Variants in GSR observed in about 807,000 individuals in gnomAD.
GSR encodes the protein glutathione reductase, mitochondrial.
In GSR, 48 loss-of-function variants were observed where a neutral mutation model predicts 56.5. That is an observed-to-expected ratio of 0.85 (90% CI 0.67 to 1.08). GSR has a LOEUF of 1.08. Ranked by LOEUF, GSR falls within the 50% of genes least tolerant of loss-of-function variation. GSR has a pLI of 0.00. For synonymous variants in GSR, 264 were observed against 270.8 expected (o/e 0.97, Z 0.25); for missense variants, 694 against 703.3 (o/e 0.99, Z 0.15).
chr8:30,723,851 G>A (rs1804638297), intron 1 of GSR, among the ~76,000 whole-genome samples: 1 of 151,632 alleles, frequency 6.6e-6, no homozygotes, highest in Non-Finnish European at 1.5e-5. Context: ...ACAGGAGACT[G>A]GTCCAAAACA....
At chr8:30,694,420 C>T (rs1412552615) in intron 7 of GSR, among the ~76,000 whole-genome samples, 2 of 152,208 alleles carry the variant, frequency 1.3e-5, no homozygotes, top group Admixed American at 6.5e-5. Flanking sequence ...AGTGATTCTC[C>T]TACCTCAGCC....
chr8:30,722,518 G>GAGTTTGAGACCAGC (rs1554574711), intron 1 of GSR, among the ~76,000 whole-genome samples: 2 of 151,488 alleles, frequency 1.3e-5, no homozygotes, highest in Non-Finnish European at 2.9e-5. Context: ...TTGAGCTCAG[G>GAGTTTGAGACCAGC]AGTTCGAGAC....
rs1275080380 is a variant in GSR, at chr8:30,727,576, C to T, written c.260G>A (p.Gly87Asp). ...GCTCTCCACCACGGCGGCCCTGGCACCCAGCTCGGCCGCCCTGCGCGCGCT... is the reference window on the plus strand; with the variant it reads ...GCTCTCCACCACGGCGGCCCTGGCATCCAGCTCGGCCGCCCTGCGCGCGCT... The part of the protein sequence containing the change: ...LASARRAAEL[G>D]ARAAVVESHK... The change falls in exon 1 of 13, where the codon GGT becomes GAT. Residue 87 changes from glycine (G) to aspartate (D), a missense_variant. Gly to Asp is a moderately conservative substitution (Grantham distance 94). Transcript: ENST00000221130. 1.3e-6 allele frequency: 2 copies of T among 1,532,914 alleles called. No homozygotes were observed. The highest frequency in any genetic ancestry group is 1.7e-6 in the Non-Finnish European group (2 of 1,144,130). 95.0% of individuals were successfully genotyped at this position (1,532,914 alleles called of 1,614,324 possible).
intron 2 of GSR, 33 bp downstream of exon 2, chr8:30,712,029 G>A (rs377477444): frequency 9.0e-7 from 1 of 1,108,906 alleles, no homozygotes; most frequent in South Asian, 1.3e-5. Flanking sequence ...ATAGAAAAAG[G>A]ATTGTAAAGG....
intron 7 of GSR, among the ~76,000 whole-genome samples, 184 bp downstream of exon 7, chr8:30,696,196 C>A (rs1803535883): frequency 6.6e-6 from 1 of 152,160 alleles, no homozygotes; most frequent in Admixed American, 6.5e-5. Context: ...AAATTATCAT[C>A]ATCAACCAGC....
At chr8:30,722,228 T>G (rs1296498465) in intron 1 of GSR, among the ~76,000 whole-genome samples, 3 of 152,118 alleles carry the variant, frequency 2.0e-5, no homozygotes, top group Non-Finnish European at 1.5e-5. Context: ...AACAATAGCA[T>G]TTGCTTGCTT....
Position 30,727,712 on chromosome 8 carries a change from G to A in GSR, c.124C>T (p.Arg42Cys), listed in dbSNP as rs1395270650. The change falls in exon 1 of 13, where the codon CGT becomes TGT. Residue 42 changes from arginine (R) to cysteine (C), a missense_variant. Physicochemically the swap from Arg to Cys is radical, Grantham distance 180. Coordinates refer to ENST00000221130, the MANE Select transcript of GSR (RefSeq NM_000637.5). The stretch of plus-strand genomic sequence containing the variant: ...GGCTCCTGCCTGCAGGCCATGGCAC[G>A]GGAGAGGGCGCGCGTGAGGGCCGCG... ...EPAALTRALS[R>C]AMACRQEPQP... The A allele has an allele frequency of 7.1e-7, 1 of 1,417,308 alleles. No homozygotes were observed. Among genetic ancestry groups the A allele is most frequent in the Non-Finnish European group, 9.2e-7 (1 of 1,092,780 alleles). 87.8% of individuals were successfully genotyped at this position (1,417,308 alleles called of 1,614,324 possible).
rs1804789262 is a variant in GSR at position 30,727,674 on chromosome 8, G to A, written c.162C>T (p.Gly54=). ...MACRQEPQPQ[G]PPPAAGAVAS... ...CCACGGCGCCAGCAGCGGGCGGCGGGCCCTGCGGCTGCGGCTCCTGCCTGC... is the reference window on the plus strand; with the variant it reads ...CCACGGCGCCAGCAGCGGGCGGCGGACCCTGCGGCTGCGGCTCCTGCCTGC... The change falls in exon 1 of 13, where the codon GGC becomes GGT. Residue 54 remains glycine, a synonymous_variant. Coordinates refer to ENST00000221130, the MANE Select transcript of GSR (RefSeq NM_000637.5). 2 of 1,443,530 alleles carry A rather than the reference G, an allele frequency of 1.4e-6. No homozygotes were observed. The highest frequency in any genetic ancestry group is 1.4e-5 in the South Asian group (1 of 71,642). 89.4% of individuals were successfully genotyped at this position (1,443,530 alleles called of 1,614,324 possible).
Position 30,679,451 on chromosome 8 carries a change from A to T in GSR, c.*69T>A. The T allele has an allele frequency of 7.1e-7, 1 of 1,414,100 alleles. No individual in the cohort carries two copies. Among genetic ancestry groups the T allele is most frequent in the Non-Finnish European group, 1.0e-6 (1 of 1,001,588 alleles). 87.6% of individuals were successfully genotyped at this position (1,414,100 alleles called of 1,614,324 possible). ...ATACATAAAACTCAAACAGTAAGTCAATGTGATTATTTGTTTCATTTCAGA... is the reference window on the plus strand; with the variant it reads ...ATACATAAAACTCAAACAGTAAGTCTATGTGATTATTTGTTTCATTTCAGA... On this transcript the variant is annotated 3_prime_UTR_variant, in exon 13 of 13. Coordinates refer to ENST00000221130, the MANE Select transcript of GSR (RefSeq NM_000637.5).
chr8:30,699,930 A>C lies in GSR; in HGVS notation c.695+151T>G, dbSNP rs182402244. ...AGGGATCTACTGAGGAGTTCTAGGA[A>C]TGAGATATACAAGGTCATGAAAAGA... On this transcript the variant is annotated intron_variant, in intron 6 of 12. Transcript: ENST00000221130. The C allele has an allele frequency of 3.6e-4, 266 of 743,448 alleles. 1 individual carries two copies. The highest frequency in any genetic ancestry group is 3.3e-3 in the East Asian group (133 of 39,906). The allele number at this position is 743,448 out of a possible 1,614,324, so 46.1% of individuals were successfully genotyped here.
At chr8:30,696,860 T>C (rs1803560270) in intron 6 of GSR, among the ~76,000 whole-genome samples, 1 of 152,090 alleles carries the variant, frequency 6.6e-6, no homozygotes, top group Admixed American at 6.6e-5. Context: ...CACACCCAGC[T>C]AAGTTTTATA....
chr8:30,718,797 T>G (rs1409263433), intron 1 of GSR, among the ~76,000 whole-genome samples: 1 of 152,110 alleles, frequency 6.6e-6, no homozygotes, highest in Non-Finnish European at 1.5e-5. Flanking sequence ...TCGCCCAGAC[T>G]GGAGTGTGCA....
chr8:30,726,753 C>G (rs1437321609), intron 1 of GSR: 1 of 152,138 alleles, frequency 6.6e-6, no homozygotes, highest in Non-Finnish European at 1.5e-5. Context: ...GGGCAAGACC[C>G]TGTCTCAAAA....
chr8:30,721,890 G>A (rs1161218077), intron 1 of GSR, among the ~76,000 whole-genome samples: 3 of 151,192 alleles, frequency 2.0e-5, no homozygotes, highest in African/African-American at 4.9e-5. Context: ...AGTGGCACAC[G>A]CCTGTAGTCC....
intron 1 of GSR, chr8:30,727,154 TC>T (rs1804754978): frequency 9.7e-6 from 2 of 206,560 alleles, no homozygotes; most frequent in Non-Finnish European, 1.9e-5. Flanking sequence ...GTCACCCTCG[TC>T]CCTACACACA....
In GSR at chr8:30,689,192, G is replaced by A. The variant is rs144377982; in HGVS notation, c.1010C>T (p.Pro337Leu). The change falls in exon 9 of 13, where the codon CCG (proline) becomes CTG (leucine). Residue 337 changes from proline (P) to leucine (L), a missense_variant. Pro to Leu is a moderately conservative substitution (Grantham distance 98). Coordinates refer to ENST00000221130, the MANE Select transcript of GSR (RefSeq NM_000637.5). ...GTTTAAACTCAGGTCCTTGGTATTCGGGACCCGCCCAATGGCCCAGAGCAG... is the reference window on the plus strand; with the variant it reads ...GTTTAAACTCAGGTCCTTGGTATTCAGGACCCGCCCAATGGCCCAGAGCAG... ...DCLLWAIGRV[P>L]NTKDLSLNKL... 43 of 1,613,842 alleles carry A rather than the reference G, an allele frequency of 2.7e-5. No homozygotes were observed. Among genetic ancestry groups the A allele is most frequent in the African/African-American group, 5.3e-5 (4 of 74,868 alleles).
At chr8:30,719,275 T>C (rs1433555854) in intron 1 of GSR, among the ~76,000 whole-genome samples, 1 of 14,996 alleles carries the variant, frequency 6.7e-5, no homozygotes, top group East Asian at 0.019. Flanking sequence ...CCTGGATAAA[T>C]TTTTTTTTTT....
chr8:30,702,158 C>CTAAAGTA (rs1167997426), intron 5 of GSR, among the ~76,000 whole-genome samples: 1 of 151,854 alleles, frequency 6.6e-6, no homozygotes, highest in Non-Finnish European at 1.5e-5. Context: ...TCTGTCTCTA[C>CTAAAGTA]TAAAGTACAT....
chr8:30,678,175 A>G lies in GSR; in HGVS notation c.*1345T>C, dbSNP rs1802809282. 6.6e-6 allele frequency: 1 copy of G among 151,896 alleles called. No homozygotes were observed. The highest frequency in any genetic ancestry group is 6.6e-5 in the Admixed American group (1 of 15,242). The allele number at this position is 151,896 out of a possible 1,614,324, so 9.4% of individuals were successfully genotyped here. Reference sequence around the variant, plus strand: ...TGAAATTATTCATTGAACTATAAACACTTAGCAGAGGAAGGGACTTTTGAT... The same window carrying G: ...TGAAATTATTCATTGAACTATAAACGCTTAGCAGAGGAAGGGACTTTTGAT... On this transcript the variant is annotated 3_prime_UTR_variant, in exon 13 of 13. Transcript: ENST00000221130.
Sources: gnomAD v4.1 joint callset for allele counts (sites outside exome capture counted in the v4.1 genomes callset) on GRCh38, gnomAD v4.1.1 for gene constraint, MANE v1.5 for transcripts, NCBI Gene and HGNC (gene_info 2026-07-23, HGNC 2026-07-21) for gene names.